SLC2A13: variants seen among roughly 807,000 people sequenced by gnomAD.
SLC2A13 encodes the protein solute carrier family 2 member 13, also known as proton myo-inositol cotransporter.
A neutral mutation model predicts 64.4 loss-of-function variants in SLC2A13; 32 were observed. The observed-to-expected ratio is 0.50, with a 90% CI of 0.37 to 0.67. SLC2A13 has a LOEUF of 0.67. Among genes scored for constraint, SLC2A13 ranks in the 30% least tolerant of loss-of-function variants. The pLI is 0.00. For missense variants in SLC2A13, 743 were observed against 829.2 expected (o/e 0.90, Z 1.28); for synonymous variants, 338 against 327.1 (o/e 1.03, Z -0.36).
chr12:39,868,713 T>C (rs1476638072), intron 5 of SLC2A13, among the ~76,000 whole-genome samples: 1 of 152,192 alleles, frequency 6.6e-6, no homozygotes, highest in Non-Finnish European at 1.5e-5. Flanking sequence ...GATCCAAATC[T>C]TCCAATATTA....
chr12:39,971,997 A>AAAAAAATATATAT (rs1375405006), intron 3 of SLC2A13, among the ~76,000 whole-genome samples: 1 of 77,380 alleles, frequency 1.3e-5, no homozygotes, highest in Non-Finnish European at 2.5e-5. Context: ...AAAAAAAAAA[A>AAAAAAATATATAT]ATATATATAT....
chr12:40,060,487 A>G (rs1258547197), intron 1 of SLC2A13, among the ~76,000 whole-genome samples: 1 of 152,168 alleles, frequency 6.6e-6, no homozygotes, highest in African/African-American at 2.4e-5. Flanking sequence ...TCCCATGTAC[A>G]CTGGGTTGTT....
chr12:39,778,876 C>T (rs1340453454), intron 7 of SLC2A13, among the ~76,000 whole-genome samples: 1 of 152,166 alleles, frequency 6.6e-6, no homozygotes, highest in Non-Finnish European at 1.5e-5. Flanking sequence ...GTTGGCAGGG[C>T]TTCCAGGAAA....
At chr12:39,890,953 T>C (rs1299519230) in intron 4 of SLC2A13, among the ~76,000 whole-genome samples, 2 of 152,144 alleles carry the variant, frequency 1.3e-5, no homozygotes, top group Non-Finnish European at 1.5e-5. Context: ...ACATACATGA[T>C]GCAAAGTGAA....
chr12:40,055,076 GAT>G (rs1461209719), intron 1 of SLC2A13, among the ~76,000 whole-genome samples: 3 of 152,276 alleles, frequency 2.0e-5, no homozygotes, highest in African/African-American at 7.2e-5. Context: ...GCTCAGGGCT[GAT>G]ATGTTTACAT....
intron 7 of SLC2A13, among the ~76,000 whole-genome samples, chr12:39,770,555 G>C (rs192451632): frequency 1.3e-5 from 2 of 152,282 alleles, no homozygotes; most frequent in Admixed American, 6.5e-5. Flanking sequence ...GCATGGTCCT[G>C]TTTCCTGATC....
At chr12:39,776,323 T>C (rs1475259106) in intron 7 of SLC2A13, among the ~76,000 whole-genome samples, 1 of 152,076 alleles carries the variant, frequency 6.6e-6, no homozygotes, top group Non-Finnish European at 1.5e-5. Flanking sequence ...GACAGCTGAG[T>C]GGTCCCCCTC....
At position 39,759,519 on chromosome 12, in the gene SLC2A13, T is replaced by C. The variant is rs1940060094; in HGVS notation, c.*507A>G. On this transcript the variant is annotated 3_prime_UTR_variant, in exon 10 of 10. Transcript: ENST00000280871. ...CACTTTGGAATTTGTTGATGAAAGC[T>C]TACATGGAATTTAGTTTGTAACAGC... is the stretch of plus-strand genomic sequence containing the variant. 1 of 152,918 alleles carries C rather than the reference T, an allele frequency of 6.5e-6. No homozygotes were observed. The highest frequency in any genetic ancestry group is 2.4e-5 in the African/African-American group (1 of 41,394). 9.5% of individuals were successfully genotyped at this position (152,918 alleles called of 1,614,324 possible). A position where few individuals can be genotyped will look rare whatever the true frequency, so the allele number is the denominator to read the frequency against.
intron 6 of SLC2A13, among the ~76,000 whole-genome samples, chr12:39,854,711 C>T (rs544218543): frequency 6.6e-6 from 1 of 152,320 alleles, no homozygotes; most frequent in Admixed American, 6.5e-5. Context: ...TTCCCTTCCT[C>T]ACTCAAGCCT....
chr12:39,907,919 G>A lies in SLC2A13; in HGVS notation c.1035-35958C>T, dbSNP rs112566342. On this transcript the variant is annotated intron_variant, in intron 4 of 9. Coordinates refer to ENST00000280871, the MANE Select transcript of SLC2A13 (RefSeq NM_052885.4). ...TCCCAACCCACCCATTCTTTTTCCC[G>A]GCACTTTCCACCTTTACAACTACGC... 8.1e-4 allele frequency: 123 copies of A among 151,352 alleles called. 3 individuals carry two copies. Among genetic ancestry groups the A allele is most frequent in the African/African-American group, 2.9e-3 (120 of 40,752 alleles). 9.4% of individuals were successfully genotyped at this position (151,352 alleles called of 1,614,324 possible).
At chr12:39,851,654 G>T (rs1943473023) in intron 6 of SLC2A13, among the ~76,000 whole-genome samples, 1 of 152,058 alleles carries the variant, frequency 6.6e-6, no homozygotes, top group African/African-American at 2.4e-5. Flanking sequence ...ACACACATAG[G>T]AAAACACCAA....
intron 4 of SLC2A13, among the ~76,000 whole-genome samples, chr12:39,907,261 C>T (rs772402103): frequency 1.4e-4 from 22 of 151,994 alleles, no homozygotes; most frequent in Non-Finnish European, 2.6e-4. Context: ...CATGATAATC[C>T]ACCCACATGC....
At chr12:40,020,673 C>A (rs952944169) in intron 3 of SLC2A13, among the ~76,000 whole-genome samples, 1 of 151,906 alleles carries the variant, frequency 6.6e-6, no homozygotes, top group Non-Finnish European at 1.5e-5. Flanking sequence ...GTGCCTTCCC[C>A]TTTGAGGTGG....
chr12:40,031,275 T>C lies in SLC2A13; in HGVS notation c.717-2766A>G, dbSNP rs113776653. 9.5e-3 allele frequency among the ~76,000 whole-genome samples: 1,438 copies of C among 152,136 alleles called. 16 individuals carry two copies. Among genetic ancestry groups the C allele is most frequent in the African/African-American group, 0.033 (1,349 of 41,476 alleles). On this transcript the variant is annotated intron_variant, in intron 2 of 9. Coordinates refer to ENST00000280871, the MANE Select transcript of SLC2A13 (RefSeq NM_052885.4). ...TCTCACTCTGTTGCCCAGGCCGGAG[T>C]GTAGTGGCGCGATCTCGGCTCACTG...
chr12:39,938,157 A>G (rs531899828), intron 4 of SLC2A13, among the ~76,000 whole-genome samples: 5 of 152,184 alleles, frequency 3.3e-5, no homozygotes, highest in Non-Finnish European at 7.4e-5. Flanking sequence ...GAAAGTGAAC[A>G]CAGATGTAGT....
intron 4 of SLC2A13, among the ~76,000 whole-genome samples, chr12:39,904,578 C>T (rs1239856588): frequency 6.6e-6 from 1 of 152,022 alleles, no homozygotes. Context: ...ATGGAGAAAG[C>T]TCTTGTTTAC....
At chr12:39,772,357 G>C (rs1450358813) in intron 7 of SLC2A13, among the ~76,000 whole-genome samples, 1 of 151,914 alleles carries the variant, frequency 6.6e-6, no homozygotes, top group Non-Finnish European at 1.5e-5. Flanking sequence ...ATAACTGCTT[G>C]GCACATAGAA....
chr12:39,969,414 C>G (rs915852442), intron 3 of SLC2A13, among the ~76,000 whole-genome samples: 1 of 152,140 alleles, frequency 6.6e-6, no homozygotes, highest in Non-Finnish European at 1.5e-5. Flanking sequence ...ACGGTCCCAC[C>G]AACAGTGTAA....
At chr12:39,859,336 A>G (rs1488890703) in intron 6 of SLC2A13, among the ~76,000 whole-genome samples, 1 of 25,102 alleles carries the variant, frequency 4.0e-5, no homozygotes, top group Non-Finnish European at 8.6e-5. Context: ...TTTTTCTGAA[A>G]AAAAAAAAAA....
Sources: gnomAD v4.1 joint callset for allele counts (sites outside exome capture counted in the v4.1 genomes callset) on GRCh38, gnomAD v4.1.1 for gene constraint, MANE v1.5 for transcripts, NCBI Gene and HGNC (gene_info 2026-07-23, HGNC 2026-07-21) for gene names.